Variants in NEK7 observed in about 807,000 individuals in gnomAD.
The protein encoded by NEK7 is serine/threonine-protein kinase Nek7.
NEK7 carries 18 observed loss-of-function variants against 44.6 expected under a neutral mutation model. The ratio of observed to expected loss-of-function variants is 0.40; its 90% CI spans 0.28 to 0.60. The LOEUF (loss-of-function observed/expected upper bound fraction) is 0.60. Ranked by LOEUF, NEK7 falls within the 20% of genes least tolerant of loss-of-function variation. NEK7 has a pLI of 0.38. For synonymous variants in NEK7, 130 were observed against 121.1 expected (o/e 1.07, Z -0.48); for missense variants, 256 against 366.5 (o/e 0.70, Z 2.46).
intron 5 of NEK7, among the ~76,000 whole-genome samples, chr1:198,275,746 CT>C (rs1187592894): frequency 1.3e-5 from 2 of 150,942 alleles, no homozygotes; most frequent in East Asian, 3.9e-4. Context: ...TTTTCATTGC[CT>C]TTTTGCTGTT....
At chr1:198,254,429 G>A (rs188184299) in intron 3 of NEK7, among the ~76,000 whole-genome samples, 1 of 151,944 alleles carries the variant, frequency 6.6e-6, no homozygotes, top group Non-Finnish European at 1.5e-5. Flanking sequence ...CATAAATGAA[G>A]CATGTTTTAT....
At chr1:198,223,390 A>G (rs1666124067) in intron 1 of NEK7, among the ~76,000 whole-genome samples, 1 of 152,200 alleles carries the variant, frequency 6.6e-6, no homozygotes, top group Non-Finnish European at 1.5e-5. Context: ...AGCAAGTTTC[A>G]TTTTAAAATG....
At chr1:198,241,646 G>T (rs1242086788) in intron 2 of NEK7, among the ~76,000 whole-genome samples, 1 of 152,198 alleles carries the variant, frequency 6.6e-6, no homozygotes, top group African/African-American at 2.4e-5. Context: ...AGCATGGTGG[G>T]TTAGAGCATG....
At chr1:198,220,591 T>C (rs925103379) in intron 1 of NEK7, among the ~76,000 whole-genome samples, 10 of 152,088 alleles carry the variant, frequency 6.6e-5, no homozygotes, top group African/African-American at 2.2e-4. Context: ...GATATCGACA[T>C]GTCACTTGCT....
chr1:198,199,951 T>C (rs1665374723), intron 1 of NEK7, among the ~76,000 whole-genome samples: 2 of 152,072 alleles, frequency 1.3e-5, no homozygotes, highest in South Asian at 4.1e-4. Context: ...TGTCATCTTA[T>C]TTGTTTTCTA....
chr1:198,248,275 A>G (rs1448365968), intron 2 of NEK7, among the ~76,000 whole-genome samples: 1 of 152,232 alleles, frequency 6.6e-6, no homozygotes, highest in African/African-American at 2.4e-5. Flanking sequence ...TGATATTCCA[A>G]CTTTAGCAAT....
In NEK7 at chr1:198,319,665, A is replaced by G; in HGVS notation, c.*143A>G. 1 of 987,584 alleles carries G rather than the reference A, an allele frequency of 1.0e-6. No individual in the cohort carries two copies. The highest frequency in any genetic ancestry group is 3.4e-4 in the Middle Eastern group (1 of 2,980). 61.2% of individuals were successfully genotyped at this position (987,584 alleles called of 1,614,324 possible). A position where few individuals can be genotyped will look rare whatever the true frequency, so the allele number is the denominator to read the frequency against. On this transcript the variant is annotated 3_prime_UTR_variant, in exon 10 of 10. Transcript: ENST00000367385. The stretch of plus-strand genomic sequence containing the variant: ...CTTAACCAGTTTTCATATAAGCTTC[A>G]TTTTGTACCAGTCACCTAAATCACC...
chr1:198,210,973 C>T (rs1388680831), intron 1 of NEK7, among the ~76,000 whole-genome samples: 3 of 151,646 alleles, frequency 2.0e-5, no homozygotes, highest in African/African-American at 7.3e-5. Context: ...GGGATGGTCT[C>T]GATCTCCTGA....
intron 1 of NEK7, among the ~76,000 whole-genome samples, chr1:198,225,430 C>T (rs888218795): frequency 1.3e-5 from 2 of 151,990 alleles, no homozygotes; most frequent in African/African-American, 2.4e-5. Context: ...TGATGGCTCT[C>T]GTCATCTCTT....
intron 5 of NEK7, among the ~76,000 whole-genome samples, chr1:198,264,979 A>G (rs1653601647): frequency 6.6e-6 from 1 of 152,074 alleles, no homozygotes; most frequent in African/African-American, 2.4e-5. Context: ...ATGTAAATGT[A>G]TCTGCTGCTG....
At chr1:198,317,825 A>G (rs1655412424) in intron 9 of NEK7, among the ~76,000 whole-genome samples, 1 of 145,316 alleles carries the variant, frequency 6.9e-6, no homozygotes, top group Non-Finnish European at 1.5e-5. Flanking sequence ...ATGTGTCATT[A>G]TGTAAGTGCT....
intron 1 of NEK7, among the ~76,000 whole-genome samples, chr1:198,212,856 C>T (rs1223683254): frequency 1.3e-5 from 2 of 151,894 alleles, no homozygotes; most frequent in African/African-American, 4.9e-5. Context: ...AAGCACAGCA[C>T]TTAGGAAGAA....
At chr1:198,194,597 T>G (rs1665178654) in intron 1 of NEK7, among the ~76,000 whole-genome samples, 2 of 152,198 alleles carry the variant, frequency 1.3e-5, no homozygotes, top group Admixed American at 1.3e-4. Context: ...ATCAGTTTTC[T>G]AAGGTCAGTG....
chr1:198,299,497 TACAGGAAC>T (rs67761632), intron 9 of NEK7, among the ~76,000 whole-genome samples: 20,988 of 152,154 alleles, frequency 0.14, 2,115 homozygotes, highest in East Asian at 0.58. Flanking sequence ...TATGGCAAAA[TACAGGAAC>T]TAATAAAAAG....
chr1:198,161,438 T>C (rs1181804071), intron 1 of NEK7, among the ~76,000 whole-genome samples: 1 of 152,200 alleles, frequency 6.6e-6, no homozygotes, highest in Non-Finnish European at 1.5e-5. Context: ...TACAAATAGG[T>C]TGGTAGCTTT....
At chr1:198,297,017 C>T (rs921653274) in intron 8 of NEK7, 110 bp from the exon 9 acceptor site, 1 of 656,538 alleles carries the variant, frequency 1.5e-6, no homozygotes, top group South Asian at 2.3e-5. Flanking sequence ...GCCCAGGTAT[C>T]TCTATTTAAA....
In NEK7 at chr1:198,293,033, A is replaced by G. The variant is rs746860766; in HGVS notation, c.678A>G (p.Leu226=). Residue 226 remains leucine (L), a synonymous_variant, in exon 8 of 10, where the codon CTA becomes CTG. Coordinates refer to ENST00000367385, the MANE Select transcript of NEK7 (RefSeq NM_133494.3). ...ACATCTGGTCTCTTGGCTGTCTACT[A>G]TATGAGGTAGGTAATGTTGATAAAT... ...KSDIWSLGCL[L]YEMAALQSPF... is the part of the protein sequence containing the mutation. 1.3e-6 allele frequency: 2 copies of G among 1,506,838 alleles called. No individual in the cohort carries two copies. The highest frequency in any genetic ancestry group is 1.8e-6 in the Non-Finnish European group (2 of 1,083,054). The allele number at this position is 1,506,838 out of a possible 1,614,324, so 93.3% of individuals were successfully genotyped here.
intron 2 of NEK7, among the ~76,000 whole-genome samples, chr1:198,234,002 C>T (rs1057135402): frequency 1.5e-5 from 2 of 135,154 alleles, no homozygotes; most frequent in South Asian, 5.1e-4. Flanking sequence ...ATCTTCTTTG[C>T]ATCTCTCTTC....
chr1:198,306,106 G>A (rs1263990496), intron 9 of NEK7, among the ~76,000 whole-genome samples: 4 of 152,130 alleles, frequency 2.6e-5, no homozygotes, highest in Admixed American at 2.6e-4. Flanking sequence ...CATACCAGTA[G>A]TGTCCACCCC....
Sources: allele counts gnomAD v4.1 joint callset (sites outside exome capture counted in the v4.1 genomes callset), GRCh38; gene constraint gnomAD v4.1.1; transcripts MANE v1.5; gene names NCBI Gene and HGNC (gene_info 2026-07-23, HGNC 2026-07-21).